MAP3K5: variants seen among roughly 807,000 people sequenced by gnomAD.
MAP3K5 encodes the protein ASK-1.
Under a neutral mutation model 158.7 loss-of-function variants are expected in MAP3K5, and 56 were observed. That is an observed-to-expected ratio of 0.35 (90% CI 0.28 to 0.44). The LOEUF (loss-of-function observed/expected upper bound fraction) is 0.44, where lower values mean the gene tolerates loss of function less well. MAP3K5 is among the 20% of genes least tolerant of loss of function. The probability of loss-of-function intolerance (pLI) is 1.00; values close to 1 mark genes in which losing one functional copy is unlikely to be tolerated. For synonymous variants in MAP3K5, 579 were observed against 601.7 expected (o/e 0.96, Z 0.55); for missense variants, 1,294 against 1,674.8 (o/e 0.77, Z 3.97).
At chr6:136,617,958 C>T (rs1247786543) in intron 15 of MAP3K5, among the ~76,000 whole-genome samples, 1 of 151,890 alleles carries the variant, frequency 6.6e-6, no homozygotes, top group East Asian at 1.9e-4. Flanking sequence ...TAAAAATAAC[C>T]AGTTCAGGAT....
At chr6:136,652,875 A>T (rs575620178) in intron 10 of MAP3K5, among the ~76,000 whole-genome samples, 1 of 152,350 alleles carries the variant, frequency 6.6e-6, no homozygotes, top group South Asian at 2.1e-4. Flanking sequence ...AATGCATAGC[A>T]CACATTACAG....
chr6:136,769,649 G>C (rs1784095113), intron 1 of MAP3K5, among the ~76,000 whole-genome samples: 1 of 149,828 alleles, frequency 6.7e-6, no homozygotes, highest in African/African-American at 2.5e-5. Context: ...CAATGGGCAG[G>C]CTCCATATCA....
intron 21 of MAP3K5, among the ~76,000 whole-genome samples, chr6:136,600,423 A>C (rs1460514528): frequency 6.6e-6 from 1 of 151,912 alleles, no homozygotes; most frequent in East Asian, 1.9e-4. Context: ...TGAATTCCTG[A>C]GCTCAAGCAA....
At chr6:136,662,045 T>C (rs1332427284) in intron 8 of MAP3K5, among the ~76,000 whole-genome samples, 3 of 152,254 alleles carry the variant, frequency 2.0e-5, no homozygotes, top group African/African-American at 7.2e-5. Context: ...CAAATGCAGA[T>C]GGGTGGCCAT....
chr6:136,569,752 G>T (rs1774280412), intron 25 of MAP3K5, among the ~76,000 whole-genome samples: 1 of 152,060 alleles, frequency 6.6e-6, no homozygotes, highest in Non-Finnish European at 1.5e-5. Flanking sequence ...CTCATATTTG[G>T]CTCAGAATAA....
At chr6:136,667,046 A>G (rs540831353) in intron 8 of MAP3K5, among the ~76,000 whole-genome samples, 1 of 152,342 alleles carries the variant, frequency 6.6e-6, no homozygotes, top group South Asian at 2.1e-4. Context: ...ATAAGTATTT[A>G]CCTTCAAAAT....
At position 136,583,576 on chromosome 6, in the gene MAP3K5, T is replaced by A; in HGVS notation, c.3390A>T (p.Val1130=). The A allele has an allele frequency of 6.2e-7, 1 of 1,613,982 alleles. No homozygotes were observed. Among genetic ancestry groups the A allele is most frequent in the Non-Finnish European group, 8.5e-7 (1 of 1,179,944 alleles). ...TTACAGCATCTTGAAAACCAAAGAG[T>A]ACCACCTGGACTTGGCTAATGCCAT... is the stretch of plus-strand genomic sequence containing the variant. ...DSHGISQVQV[V]LFGFQDAVNK... The change falls in exon 24 of 30, where the codon GTA becomes GTT. Residue 1130 remains valine, a synonymous_variant. Transcript: ENST00000359015.
intron 1 of MAP3K5, among the ~76,000 whole-genome samples, chr6:136,778,720 C>A (rs926144409): frequency 3.3e-5 from 5 of 152,170 alleles, no homozygotes; most frequent in Non-Finnish European, 7.3e-5. Flanking sequence ...CGGAATCTGA[C>A]AGACTTGGGT....
chr6:136,600,561 C>T (rs1241500062), intron 21 of MAP3K5, among the ~76,000 whole-genome samples: 2 of 152,156 alleles, frequency 1.3e-5, no homozygotes. Flanking sequence ...TCTACTTTCT[C>T]TACCTTCCTA....
chr6:136,677,632 T>C (rs1012313360), intron 7 of MAP3K5, among the ~76,000 whole-genome samples: 11 of 152,208 alleles, frequency 7.2e-5, no homozygotes, highest in Non-Finnish European at 1.3e-4. Context: ...AGCCTTCTCA[T>C]GGAAATGGCC....
chr6:136,712,642 C>T (rs1025134148), intron 2 of MAP3K5, among the ~76,000 whole-genome samples: 1 of 152,202 alleles, frequency 6.6e-6, no homozygotes, highest in South Asian at 2.1e-4. Flanking sequence ...AATTTTTCTA[C>T]AGTAAATCAT....
Position 136,580,196 on chromosome 6 carries a change from T to C in MAP3K5, c.3517+105A>G, listed in dbSNP as rs542378785. On this transcript the variant is annotated intron_variant, in intron 25 of 29. Transcript: ENST00000359015. ...TTGAAAATATTTCTTTAAAAAAGGG[T>C]ATTATGGTTTTTAAAGTACTAAGGT... 308 of 738,530 alleles carry C rather than the reference T, an allele frequency of 4.2e-4. 5 individuals carry two copies. Among genetic ancestry groups the C allele is most frequent in the South Asian group, 3.7e-3 (221 of 59,220 alleles). The allele number at this position is 738,530 out of a possible 1,614,324, so 45.7% of individuals were successfully genotyped here. A position where few individuals can be genotyped will look rare whatever the true frequency, so the allele number is the denominator to read the frequency against.
chr6:136,624,958 T>TA (rs1776967267), intron 14 of MAP3K5, among the ~76,000 whole-genome samples: 1 of 152,126 alleles, frequency 6.6e-6, no homozygotes, highest in Non-Finnish European at 1.5e-5. Flanking sequence ...AACACATAGG[T>TA]AAAATAAAAC....
chr6:136,640,399 G>T (rs1777869457), intron 12 of MAP3K5, among the ~76,000 whole-genome samples: 1 of 152,218 alleles, frequency 6.6e-6, no homozygotes, highest in Non-Finnish European at 1.5e-5. Flanking sequence ...AGGGGGCACA[G>T]TTTGTCAATC....
intron 1 of MAP3K5, among the ~76,000 whole-genome samples, chr6:136,730,937 TTAAAAAGCATGC>T (rs1782197690): frequency 1.3e-5 from 2 of 151,896 alleles, no homozygotes; most frequent in South Asian, 4.1e-4. Flanking sequence ...GCAGAAGAAA[TTAAAAAGCATGC>T]TATGTAGAAA....
intron 1 of MAP3K5, among the ~76,000 whole-genome samples, chr6:136,766,072 A>C (rs1783954779): frequency 6.6e-6 from 1 of 152,180 alleles, no homozygotes; most frequent in Non-Finnish European, 1.5e-5. Context: ...CAGCTGCACC[A>C]CAGGTCATGA....
chr6:136,605,528 A>C (rs921718373), intron 18 of MAP3K5, among the ~76,000 whole-genome samples, 162 bp from the exon 19 acceptor site: 11 of 152,262 alleles, frequency 7.2e-5, no homozygotes, highest in Admixed American at 2.0e-4. Context: ...GCTATTAATA[A>C]AAGTGGAAAT....
chr6:136,781,165 T>A (rs908611678), intron 1 of MAP3K5, among the ~76,000 whole-genome samples: 1 of 152,166 alleles, frequency 6.6e-6, no homozygotes, highest in Non-Finnish European at 1.5e-5. Context: ...TCTGGATCAT[T>A]CTAGAGAAAG....
intron 1 of MAP3K5, among the ~76,000 whole-genome samples, chr6:136,736,399 T>A (rs1008793680): frequency 2.6e-5 from 4 of 152,240 alleles, no homozygotes; most frequent in African/African-American, 9.6e-5. Context: ...GTAATTCTGT[T>A]GACATGACAG....
Sources: gnomAD v4.1 joint callset for allele counts (sites outside exome capture counted in the v4.1 genomes callset) on GRCh38, gnomAD v4.1.1 for gene constraint, MANE v1.5 for transcripts, NCBI Gene and HGNC (gene_info 2026-07-23, HGNC 2026-07-21) for gene names.